NRDC: variants seen among roughly 807,000 people sequenced by gnomAD.
NRDC encodes the protein nardilysin convertase.
NRDC carries 54 observed loss-of-function variants against 147.1 expected under a neutral mutation model. The observed-to-expected ratio is 0.37, with a 90% confidence interval of 0.29 to 0.46. The LOEUF is 0.46. Ranked by LOEUF, NRDC falls within the 20% of genes least tolerant of loss-of-function variation. NRDC has a pLI of 1.00. For synonymous variants in NRDC, 440 were observed against 482.1 expected, an observed-to-expected ratio of 0.91 and a Z score of 1.14; for missense variants, 1,082 against 1,370.6, an observed-to-expected ratio of 0.79 and a Z score of 3.33.
At chr1:51,859,097 T>C (rs1682404450) in intron 1 of NRDC, among the ~76,000 whole-genome samples, 2 of 152,172 alleles carry the variant, frequency 1.3e-5, no homozygotes, top group African/African-American at 4.8e-5. Flanking sequence ...AGTTGTCCCA[T>C]TAGAAATGCA....
intron 4 of NRDC, among the ~76,000 whole-genome samples, chr1:51,833,012 T>C (rs2149217108): frequency 6.6e-6 from 1 of 152,320 alleles, no homozygotes; most frequent in Non-Finnish European, 1.5e-5. Flanking sequence ...AAATTAACAA[T>C]TATAAAAGGG....
chr1:51,837,484 A>G (rs887963830), intron 2 of NRDC: 12 of 1,580,344 alleles, frequency 7.6e-6, no homozygotes, highest in Non-Finnish European at 9.5e-6. Context: ...ATAGGTGCCT[A>G]ACCTGCTTTC....
rs796494651 is a variant in NRDC at position 51,819,233 on chromosome 1, C to T, written c.1291+567G>A. On this transcript the variant is annotated intron_variant, in intron 9 of 30. Transcript: ENST00000352171. ...AGGAGAATCGCTTGAACCTGGGAGG[C>T]GAAGCAGTGAGCTGAGATCATGCCA... Among the ~76,000 whole-genome samples, 10 of 150,016 alleles carry T rather than the reference C, an allele frequency of 6.7e-5. No homozygotes were observed. In the East Asian group the frequency reaches 2.0e-3, roughly 29 times the overall value.
intron 1 of NRDC, among the ~76,000 whole-genome samples, chr1:51,853,092 C>T (rs1265225333): frequency 6.6e-5 from 10 of 151,792 alleles, no homozygotes; most frequent in Admixed American, 4.6e-4. Context: ...GATGTGGTGG[C>T]GTGTGCCTGT....
intron 1 of NRDC, among the ~76,000 whole-genome samples, chr1:51,847,451 C>T (rs1681700845): frequency 6.6e-6 from 1 of 152,212 alleles, no homozygotes; most frequent in Non-Finnish European, 1.5e-5. Context: ...TGGGGAGGCT[C>T]GGGGAGTGCA....
chr1:51,867,406 A>T (rs1486656906), intron 1 of NRDC, among the ~76,000 whole-genome samples: 1 of 151,472 alleles, frequency 6.6e-6, no homozygotes, highest in Non-Finnish European at 1.5e-5. Flanking sequence ...TAAGTGCTAT[A>T]AAAAAAAAGA....
At chr1:51,793,272 G>A (rs1049964889) in intron 24 of NRDC, among the ~76,000 whole-genome samples, 7 of 152,190 alleles carry the variant, frequency 4.6e-5, no homozygotes, top group Non-Finnish European at 1.0e-4. Flanking sequence ...AAATCCTGCC[G>A]AAAATGAGTA....
chr1:51,877,669 A>C (rs1191252033), intron 1 of NRDC, among the ~76,000 whole-genome samples: 2 of 152,190 alleles, frequency 1.3e-5, no homozygotes, highest in Non-Finnish European at 2.9e-5. Context: ...GGTTAGAAGA[A>C]ACCTTACAAC....
At chr1:51,870,546 C>T (rs1390765690) in intron 1 of NRDC, among the ~76,000 whole-genome samples, 1 of 152,190 alleles carries the variant, frequency 6.6e-6, no homozygotes, top group Admixed American at 6.5e-5. Context: ...CACTATTTCC[C>T]TTAGAGTTCC....
At chr1:51,800,142 T>G (rs1679124788) in intron 21 of NRDC, among the ~76,000 whole-genome samples, 1 of 152,144 alleles carries the variant, frequency 6.6e-6, no homozygotes. Context: ...ACCCAGCTAA[T>G]TTTTTAATTT....
At chr1:51,838,253 G>A (rs577154090) in intron 2 of NRDC, among the ~76,000 whole-genome samples, 14 of 152,050 alleles carry the variant, frequency 9.2e-5, no homozygotes, top group Non-Finnish European at 1.6e-4. Context: ...TTTTAAAAAC[G>A]ATCACTAGAC....
intron 22 of NRDC, among the ~76,000 whole-genome samples, chr1:51,795,967 A>G (rs950234420): frequency 6.6e-6 from 1 of 151,552 alleles, no homozygotes; most frequent in Admixed American, 6.6e-5. Flanking sequence ...TGCAGCCTCC[A>G]CTTCCTGGGC....
intron 2 of NRDC, among the ~76,000 whole-genome samples, chr1:51,837,069 A>G (rs1236378074): frequency 6.6e-6 from 1 of 151,950 alleles, no homozygotes; most frequent in Non-Finnish European, 1.5e-5. Context: ...GGCGTGAGCC[A>G]CTGCACCCGA....
intron 6 of NRDC, 22 bp downstream of exon 6, chr1:51,825,265 G>A (rs746861034): frequency 6.1e-6 from 8 of 1,302,700 alleles, no homozygotes; most frequent in South Asian, 2.5e-5. Context: ...TATGAAATAA[G>A]ATGATGTATT....
intron 1 of NRDC, among the ~76,000 whole-genome samples, chr1:51,855,073 ATCT>A (rs1682166228): frequency 6.6e-6 from 1 of 152,228 alleles, no homozygotes; most frequent in Admixed American, 6.5e-5. Flanking sequence ...AAATCAGAAA[ATCT>A]TCTACTGTAC....
intron 24 of NRDC, among the ~76,000 whole-genome samples, chr1:51,793,193 T>A (rs1036843049): frequency 3.3e-5 from 5 of 152,194 alleles, no homozygotes; most frequent in African/African-American, 9.7e-5. Flanking sequence ...AGGGAACAGT[T>A]TGTATTAGAA....
At chr1:51,821,418 C>A in intron 8 of NRDC, 80 bp downstream of exon 8, 1 of 938,040 alleles carries the variant, frequency 1.1e-6, no homozygotes, top group Non-Finnish European at 1.6e-6. Flanking sequence ...AATAAAAAAG[C>A]AAAAAACCTT....
chr1:51,797,192 C>T (rs1391868079), intron 22 of NRDC, among the ~76,000 whole-genome samples: 1 of 151,810 alleles, frequency 6.6e-6, no homozygotes, highest in Middle Eastern at 3.2e-3. Context: ...CAGAGCGAGA[C>T]TCTGTCTCAG....
At chr1:51,806,735 G>C in intron 18 of NRDC, 59 bp downstream of exon 18, 3 of 1,510,770 alleles carry the variant, frequency 2.0e-6, no homozygotes, top group South Asian at 1.2e-5. Flanking sequence ...ATGTGAAACA[G>C]AGCATCTAAA....
Sources: gnomAD v4.1 joint callset for allele counts (sites outside exome capture counted in the v4.1 genomes callset) on GRCh38, gnomAD v4.1.1 for gene constraint, MANE v1.5 for transcripts, NCBI Gene and HGNC (gene_info 2026-07-23, HGNC 2026-07-21) for gene names.